ZFAND4: variants seen among roughly 807,000 people sequenced by gnomAD.
The protein encoded by ZFAND4 is zinc finger AN1-type containing 4, also known as AN1-type zinc finger protein 4.
Under a neutral mutation model 64.4 loss-of-function variants are expected in ZFAND4, and 43 were observed. The observed-to-expected ratio is 0.67, with a 90% CI of 0.52 to 0.86. The LOEUF is 0.86. Among genes scored for constraint, ZFAND4 ranks in the 40% least tolerant of loss-of-function variants. ZFAND4 has a pLI of 0.00. For synonymous variants in ZFAND4, 296 were observed against 305.7 expected (o/e 0.97, Z 0.33); for missense variants, 929 against 859.8 (o/e 1.08, Z -1.01).
chr10:45,620,469 G>A (rs2133515313), intron 8 of ZFAND4, among the ~76,000 whole-genome samples: 1 of 152,178 alleles, frequency 6.6e-6, no homozygotes, highest in Middle Eastern at 3.4e-3. Context: ...CAGGTAACAG[G>A]GCGAGACTCT....
At chr10:45,661,766 C>A (rs1008573171) in intron 2 of ZFAND4, among the ~76,000 whole-genome samples, 2 of 151,968 alleles carry the variant, frequency 1.3e-5, no homozygotes, top group African/African-American at 4.8e-5. Flanking sequence ...CATGGTGAAA[C>A]CCCATCTCTA....
chr10:45,666,601 G>A (rs1391696000), intron 1 of ZFAND4, among the ~76,000 whole-genome samples: 1 of 152,110 alleles, frequency 6.6e-6, no homozygotes, highest in African/African-American at 2.4e-5. Context: ...TTAACCCAAG[G>A]TAATAAAGAT....
At chr10:45,665,954 TTATC>T (rs1223819464) in intron 1 of ZFAND4, among the ~76,000 whole-genome samples, 3 of 152,248 alleles carry the variant, frequency 2.0e-5, no homozygotes, top group Admixed American at 6.5e-5. Context: ...CTCATGTTGT[TTATC>T]CATCCATCAG....
intron 1 of ZFAND4, among the ~76,000 whole-genome samples, chr10:45,665,280 C>A (rs566914075): frequency 1.3e-5 from 2 of 152,120 alleles, no homozygotes; most frequent in African/African-American, 2.4e-5. Context: ...TGGCTCACAC[C>A]TGTAATCCCA....
At chr10:45,640,457 G>A (rs2046914631) in intron 5 of ZFAND4, 1 of 1,196,590 alleles carries the variant, frequency 8.4e-7, no homozygotes, top group Non-Finnish European at 1.1e-6. Context: ...TCATACACAG[G>A]TGTCATCAGA....
At position 45,626,673 on chromosome 10, in the gene ZFAND4, G is replaced by A. The variant is rs1300412213; in HGVS notation, c.1150C>T (p.Pro384Ser). ...LPSSNGNIVL[P>S]SEECVTEQSL... ...TGTTCGGTTACACATTCTTCTGAAGGTAAGACAATGTTCCCATTACTAGAT... is the reference window on the plus strand; with the variant it reads ...TGTTCGGTTACACATTCTTCTGAAGATAAGACAATGTTCCCATTACTAGAT... The change falls in exon 7 of 10, where the codon CCT (proline) becomes TCT (serine). Residue 384 changes from proline (P) to serine (S), a missense_variant. Coordinates refer to ENST00000344646, the MANE Select transcript of ZFAND4 (RefSeq NM_174890.4). The A allele has an allele frequency of 3.1e-6, 5 of 1,614,050 alleles. No homozygotes were observed. Among genetic ancestry groups the A allele is most frequent in the African/African-American group, 1.3e-5 (1 of 74,908 alleles).
chr10:45,628,758 C>G (rs1370283878), intron 6 of ZFAND4, among the ~76,000 whole-genome samples: 1 of 152,100 alleles, frequency 6.6e-6, no homozygotes, highest in South Asian at 2.1e-4. Context: ...AATAAAATCA[C>G]TCATAACCCA....
At chr10:45,664,568 T>C (rs1015569971) in intron 1 of ZFAND4, among the ~76,000 whole-genome samples, 7 of 149,520 alleles carry the variant, frequency 4.7e-5, no homozygotes, top group Non-Finnish European at 8.9e-5. Flanking sequence ...TGCCTACTCC[T>C]GTTGTATATT....
chr10:45,655,588 T>C (rs1012221804), intron 2 of ZFAND4, among the ~76,000 whole-genome samples: 1 of 152,006 alleles, frequency 6.6e-6, no homozygotes, highest in Non-Finnish European at 1.5e-5. Context: ...TCTTTGGAAA[T>C]ATAAACAAAA....
In ZFAND4 at chr10:45,648,319, G is replaced by A. The variant is rs140671460; in HGVS notation, c.544C>T (p.Arg182Trp). 153 of 1,612,342 alleles carry A rather than the reference G, an allele frequency of 9.5e-5. No individual in the cohort carries two copies. Among genetic ancestry groups the A allele is most frequent in the African/African-American group, 1.7e-4 (13 of 74,828 alleles). The stretch of plus-strand genomic sequence containing the variant: ...CTCATACGATGTTCTCCTTTTCTCC[G>A]TAGGACATGCAAATGAAAATCTATT... The part of the protein sequence containing the change: ...KKIDFHLHVL[R>W]RKGEHRMSGG... Residue 182 changes from arginine to tryptophan, a missense_variant, in exon 5 of 10, where the codon CGG becomes TGG. Arg to Trp is a moderately radical substitution (Grantham distance 101, BLOSUM62 -3). Transcript: ENST00000344646.
Position 45,648,350 on chromosome 10 carries a change from T to G in ZFAND4, c.513A>C (p.Ser171=). 1 of 1,613,920 alleles carries G rather than the reference T, an allele frequency of 6.2e-7. No homozygotes were observed. Among genetic ancestry groups the G allele is most frequent in the Non-Finnish European group, 8.5e-7 (1 of 1,179,928 alleles). Residue 171 remains serine (S), a synonymous_variant, in exon 5 of 10, where the codon TCA becomes TCC. Coordinates refer to ENST00000344646, the MANE Select transcript of ZFAND4 (RefSeq NM_174890.4). ...DGTLTPLSDS[S]KKIDFHLHVL... ...CATGCAAATGAAAATCTATTTTCTT[T>G]GAAGAGTCAGATAACGGTGTTAAAG...
At chr10:45,631,307 A>C (rs2046201815) in intron 6 of ZFAND4, among the ~76,000 whole-genome samples, 1 of 146,416 alleles carries the variant, frequency 6.8e-6, no homozygotes, top group Middle Eastern at 3.4e-3. Flanking sequence ...ACACAGCAAG[A>C]CTCCGCCCCC....
At position 45,653,076 on chromosome 10, in the gene ZFAND4, T is replaced by A; in HGVS notation, c.185-17A>T. 6.4e-7 allele frequency: 1 copy of A among 1,574,302 alleles called. No individual in the cohort carries two copies. The highest frequency in any genetic ancestry group is 8.7e-7 in the Non-Finnish European group (1 of 1,150,648). Reference sequence around the variant, plus strand: ...TGGGAATACCTTAAGGGAAAGTTATTAAAAAAAAGTGTTAAAGAATTCAAT... The same window carrying A: ...TGGGAATACCTTAAGGGAAAGTTATAAAAAAAAAGTGTTAAAGAATTCAAT... On this transcript the variant is annotated splice_polypyrimidine_tract_variant and intron_variant, in intron 2 of 9. Transcript: ENST00000344646.
intron 7 of ZFAND4, among the ~76,000 whole-genome samples, chr10:45,625,263 G>A (rs2045718534): frequency 6.6e-6 from 1 of 151,202 alleles, no homozygotes; most frequent in Non-Finnish European, 1.5e-5. Flanking sequence ...ACGAGGTCAG[G>A]AGATCGAGAC....
At chr10:45,670,431 G>A (rs565454889) in intron 1 of ZFAND4, among the ~76,000 whole-genome samples, 45 of 152,024 alleles carry the variant, frequency 3.0e-4, no homozygotes, top group African/African-American at 8.7e-4. Context: ...TCCCAACAGG[G>A]GTTTCTCCAT....
chr10:45,632,748 T>C (rs1243154033), intron 6 of ZFAND4, among the ~76,000 whole-genome samples: 1 of 152,116 alleles, frequency 6.6e-6, no homozygotes, highest in African/African-American at 2.4e-5. Context: ...ACTGTAAGTA[T>C]AACAAAATAA....
Position 45,668,355 on chromosome 10 carries a change from C to A in ZFAND4, c.-118+3895G>T, listed in dbSNP as rs563778327. 1.3e-3 allele frequency among the ~76,000 whole-genome samples: 192 copies of A among 152,300 alleles called. 1 individual carries two copies. The highest frequency in any genetic ancestry group is 4.3e-3 in the African/African-American group (177 of 41,552). On this transcript the variant is annotated intron_variant, in intron 1 of 9. Coordinates refer to ENST00000344646, the MANE Select transcript of ZFAND4 (RefSeq NM_174890.4). The stretch of plus-strand genomic sequence containing the variant: ...GCTGAGAGATTTTGTCACCACCAGG[C>A]CTGCCTTACAAGAGCTCCTGAAGGA...
intron 1 of ZFAND4, among the ~76,000 whole-genome samples, chr10:45,671,462 A>C (rs1479810603): frequency 6.6e-6 from 1 of 152,196 alleles, no homozygotes; most frequent in Non-Finnish European, 1.5e-5. Flanking sequence ...TGGATTAAGA[A>C]TATGTGGCAC....
intron 5 of ZFAND4, 66 bp downstream of exon 5, chr10:45,648,228 C>T (rs2047521948): frequency 7.0e-7 from 1 of 1,428,968 alleles, no homozygotes. Context: ...GAATGAGATG[C>T]ATGACATTTG....
Sources: gnomAD v4.1 joint callset for allele counts (sites outside exome capture counted in the v4.1 genomes callset) on GRCh38, gnomAD v4.1.1 for gene constraint, MANE v1.5 for transcripts, NCBI Gene and HGNC (gene_info 2026-07-23, HGNC 2026-07-21) for gene names.